Variants in LRP12 observed in about 807,000 individuals in gnomAD.
LRP12 encodes the protein LDL receptor related protein 12.
LRP12 carries 14 observed loss-of-function variants against 66.0 expected under a neutral mutation model. The ratio of observed to expected loss-of-function variants is 0.21; its 90% confidence interval spans 0.14 to 0.33. The LOEUF (loss-of-function observed/expected upper bound fraction) is 0.33. Ranked by LOEUF, LRP12 falls within the 10% of genes least tolerant of loss-of-function variation. The probability of loss-of-function intolerance (pLI) is 1.00; values close to 1 mark genes in which losing one functional copy is unlikely to be tolerated. For missense variants in LRP12, 889 were observed against 1,053.4 expected (o/e 0.84, Z 2.16); for synonymous variants, 357 against 359.1 (o/e 0.99, Z 0.07).
rs1204824767 is a variant in LRP12, at chr8:104,548,304, A to G, written c.80-16341T>C. On this transcript the variant is annotated intron_variant, in intron 1 of 6. Transcript: ENST00000276654. The stretch of plus-strand genomic sequence containing the variant: ...TTAATATATCATATATTTATATAAT[A>G]TATATTATATAAATATATAATATAT... 8.2e-5 allele frequency among the ~76,000 whole-genome samples: 3 copies of G among 36,440 alleles called. 1 individual carries two copies. The highest frequency in any genetic ancestry group is 7.0e-4 in the African/African-American group (3 of 4,256). The allele number at this position is 36,440 out of a possible 152,430, so 23.9% of individuals were successfully genotyped here.
Position 104,489,336 on chromosome 8 carries a change from T to G in LRP12, c.*1337A>C, listed in dbSNP as rs1008868328. ...TCCTGACAGCATTAACACAGACAAA[T>G]ACACAAGACTTCAAACATGCTTTAA... On this transcript the variant is annotated 3_prime_UTR_variant, in exon 7 of 7. Coordinates refer to ENST00000276654, the MANE Select transcript of LRP12 (RefSeq NM_013437.5). 2.0e-5 allele frequency: 3 copies of G among 152,488 alleles called. No individual in the cohort carries two copies. Among genetic ancestry groups the G allele is most frequent in the Non-Finnish European group, 4.4e-5 (3 of 67,960 alleles). The allele number at this position is 152,488 out of a possible 1,614,324, so 9.4% of individuals were successfully genotyped here. A position where few individuals can be genotyped will look rare whatever the true frequency, so the allele number is the denominator to read the frequency against.
intron 1 of LRP12, among the ~76,000 whole-genome samples, chr8:104,548,144 TA>T (rs1434810421): frequency 1.2e-5 from 1 of 86,004 alleles, no homozygotes; most frequent in African/African-American, 5.7e-5. Context: ...ATTATAATTA[TA>T]TTATATATTA....
intron 1 of LRP12, among the ~76,000 whole-genome samples, chr8:104,552,274 AT>A (rs751896976): frequency 6.6e-6 from 1 of 152,014 alleles, no homozygotes; most frequent in African/African-American, 2.4e-5. Context: ...AGAAAATGGC[AT>A]TTTTTAAATT....
At position 104,497,345 on chromosome 8, in the gene LRP12, T is replaced by G. The variant is rs368340109; in HGVS notation, c.1207A>C (p.Asn403His). 10 of 1,613,940 alleles carry G rather than the reference T, an allele frequency of 6.2e-6. No homozygotes were observed. Among genetic ancestry groups the G allele is most frequent in the Admixed American group, 3.3e-5 (2 of 59,992 alleles). The change falls in exon 5 of 7, where the codon AAT becomes CAT. Residue 403 changes from asparagine (N) to histidine (H), a missense_variant. Transcript: ENST00000276654. The surrounding 1 kb of genome is among the most constrained non-coding windows in gnomAD (Gnocchi z 4.3). ...GTACAATTGGTTTCATCCCTTCCAT[T>G]TGGGCAATGCCAATACCCATCACAA... ...QRCDGYWHCP[N>H]GRDETNCTMC...
At chr8:104,582,990 TTACGGCAAGAGGAAAAATCCCCTTATCTC>T (rs1812277226) in intron 1 of LRP12, among the ~76,000 whole-genome samples, 1 of 152,128 alleles carries the variant, frequency 6.6e-6, no homozygotes, top group Admixed American at 6.5e-5. Flanking sequence ...TCTTTACCTC[TTACGGCAAGAGGAAAAATCCCCTTATCTC>T]TATCAACAGG....
intron 1 of LRP12, among the ~76,000 whole-genome samples, chr8:104,567,436 T>C (rs998960367): frequency 2.6e-5 from 4 of 152,122 alleles, no homozygotes; most frequent in African/African-American, 9.7e-5. Context: ...CATGATTTAA[T>C]GACCTCCCCC....
chr8:104,496,317 A>G (rs534426334), intron 5 of LRP12, among the ~76,000 whole-genome samples: 15 of 152,162 alleles, frequency 9.9e-5, no homozygotes, highest in Non-Finnish European at 1.9e-4. Flanking sequence ...TCATGTGCTT[A>G]CTTTTTGAGC....
chr8:104,555,577 A>G (rs1811794547), intron 1 of LRP12, among the ~76,000 whole-genome samples: 1 of 152,220 alleles, frequency 6.6e-6, no homozygotes, highest in Non-Finnish European at 1.5e-5. Flanking sequence ...GGGACATTAT[A>G]TAATGATAAA....
intron 5 of LRP12, chr8:104,495,472 G>C (rs1810709107): frequency 3.1e-6 from 1 of 325,318 alleles, no homozygotes; most frequent in African/African-American, 2.1e-5. Context: ...CCCTGTAAAA[G>C]GTAAAGGGAG....
intron 1 of LRP12, among the ~76,000 whole-genome samples, chr8:104,553,532 C>G (rs1018790771): frequency 6.6e-6 from 1 of 151,956 alleles, no homozygotes; most frequent in Non-Finnish European, 1.5e-5. Context: ...CTCCTGGGTA[C>G]GTAACTCCAT....
rs1454637124 is a variant in LRP12 at position 104,589,230 on chromosome 8, G to A, written c.-333C>T. On this transcript the variant is annotated 5_prime_UTR_variant, in exon 1 of 7. Transcript: ENST00000276654. ...CCGGACTCCGGCCTCGCGCCGCTCG[G>A]GCTAGCCGGCGCCGCCACTCGCCAG... is the stretch of plus-strand genomic sequence containing the variant. 6.6e-6 allele frequency among the ~76,000 whole-genome samples: 1 copy of A among 151,640 alleles called. No individual in the cohort carries two copies. The highest frequency in any genetic ancestry group is 1.5e-5 in the Non-Finnish European group (1 of 67,812).
At chr8:104,547,889 G>C (rs1230887223) in intron 1 of LRP12, among the ~76,000 whole-genome samples, 5 of 123,116 alleles carry the variant, frequency 4.1e-5, no homozygotes, top group Non-Finnish European at 6.3e-5. Context: ...ATTACATTTT[G>C]TATATAATAT....
intron 1 of LRP12, among the ~76,000 whole-genome samples, chr8:104,553,142 G>C (rs1811753057): frequency 6.6e-6 from 1 of 152,104 alleles, no homozygotes; most frequent in South Asian, 2.1e-4. Context: ...GGCTGCCAGT[G>C]AAACTGGCAA....
intron 5 of LRP12, chr8:104,495,520 A>G (rs984479230): frequency 4.6e-6 from 1 of 218,838 alleles, no homozygotes; most frequent in African/African-American, 2.3e-5. Context: ...AGAATACTGT[A>G]TTTACTGAAT....
intron 1 of LRP12, among the ~76,000 whole-genome samples, chr8:104,563,959 G>A (rs1811955203): frequency 6.6e-6 from 1 of 152,100 alleles, no homozygotes; most frequent in African/African-American, 2.4e-5. Context: ...ATGCTGCCTG[G>A]CTCATAGTAA....
At chr8:104,547,651 A>T (rs1363357003) in intron 1 of LRP12, among the ~76,000 whole-genome samples, 16 of 123,456 alleles carry the variant, frequency 1.3e-4, no homozygotes, top group Admixed American at 3.6e-4. Flanking sequence ...TTAATAATTA[A>T]AATATAATAT....
At chr8:104,536,892 G>T (rs1273675796) in intron 1 of LRP12, among the ~76,000 whole-genome samples, 2 of 151,898 alleles carry the variant, frequency 1.3e-5, no homozygotes, top group Non-Finnish European at 2.9e-5. Flanking sequence ...GAAATCCAAA[G>T]CATTTGTAAA....
In LRP12 at chr8:104,495,225, G is replaced by A; in HGVS notation, c.1581-16C>T. 1 of 1,597,950 alleles carries A rather than the reference G, an allele frequency of 6.3e-7. No individual in the cohort carries two copies. The highest frequency in any genetic ancestry group is 1.1e-5 in the South Asian group (1 of 87,116). Reference sequence around the variant, plus strand: ...TTCAAATGATCTTTGAGAGTAGATGGAAAGAAAAATGATTAAAAGGGGGAG... The same window carrying A: ...TTCAAATGATCTTTGAGAGTAGATGAAAAGAAAAATGATTAAAAGGGGGAG... On this transcript the variant is annotated splice_polypyrimidine_tract_variant and intron_variant, in intron 5 of 6. Transcript: ENST00000276654.
chr8:104,518,881 T>C (rs7813115), intron 2 of LRP12, among the ~76,000 whole-genome samples: 65,013 of 151,700 alleles, frequency 0.43, 15,095 homozygotes, highest in African/African-American at 0.62. Context: ...GAAAGAGCAA[T>C]GGACAGATAC....
Sources: allele counts gnomAD v4.1 joint callset (sites outside exome capture counted in the v4.1 genomes callset), GRCh38; gene constraint gnomAD v4.1.1; non-coding constraint Gnocchi (gnomAD v3.1); transcripts MANE v1.5; gene names NCBI Gene and HGNC (gene_info 2026-07-23, HGNC 2026-07-21).